The following ANO3 variants were observed in gnomAD, a reference collection of about 807,000 sequenced individuals.
ANO3 encodes anoctamin-3.
A neutral mutation model predicts 144.8 loss-of-function variants in ANO3; 99 were observed. The observed-to-expected ratio is 0.68, with a 90% confidence interval of 0.58 to 0.81. The LOEUF (loss-of-function observed/expected upper bound fraction) is 0.81, where lower values mean the gene tolerates loss of function less well. ANO3 is among the 30% of genes least tolerant of loss of function. The pLI, the probability that ANO3 is intolerant of heterozygous loss-of-function variation, is 0.00. For missense variants in ANO3, 905 were observed against 1,202.2 expected, an observed-to-expected ratio of 0.75 and a Z score of 3.66; for synonymous variants, 414 against 392.6, an observed-to-expected ratio of 1.05 and a Z score of -0.64.
Position 26,509,592 on chromosome 11 carries a change from C to T in ANO3, c.591+1330C>T, listed in dbSNP as rs539495564. ...CCCCCCAAAGTACTGGGATAACAGG[C>T]GTGAGCTCCTGCGCCCGGCGCTACT... On this transcript the variant is annotated intron_variant, in intron 5 of 26. Transcript: ENST00000256737. 3.9e-5 allele frequency among the ~76,000 whole-genome samples: 6 copies of T among 152,060 alleles called. No homozygotes were observed. The East Asian group carries it at 5.8e-4, about 15-fold the overall frequency.
intron 6 of ANO3, among the ~76,000 whole-genome samples, chr11:26,523,232 A>G (rs181872594): frequency 1.3e-5 from 2 of 152,244 alleles, no homozygotes; most frequent in East Asian, 3.9e-4. Context: ...TCCCTCCTCA[A>G]CACCTGGGGA....
intron 1 of ANO3, among the ~76,000 whole-genome samples, chr11:26,401,506 C>G (rs145349847): frequency 3.7e-4 from 57 of 152,002 alleles, no homozygotes; most frequent in African/African-American, 1.3e-3. Context: ...AGTGTCCAAG[C>G]GAGAAGTTGG....
At chr11:26,388,977 T>G (rs1453737704) in intron 1 of ANO3, among the ~76,000 whole-genome samples, 1 of 152,194 alleles carries the variant, frequency 6.6e-6, no homozygotes, top group Non-Finnish European at 1.5e-5. Flanking sequence ...TTGAACATTT[T>G]ATATCTGAGA....
intron 4 of ANO3, among the ~76,000 whole-genome samples, chr11:26,477,028 T>C (rs950490902): frequency 6.6e-6 from 1 of 152,020 alleles, no homozygotes; most frequent in East Asian, 1.9e-4. Flanking sequence ...CACATTATTA[T>C]AAGATTTCCA....
At chr11:26,513,392 G>A (rs192582790) in intron 5 of ANO3, among the ~76,000 whole-genome samples, 2 of 152,294 alleles carry the variant, frequency 1.3e-5, no homozygotes, top group South Asian at 2.1e-4. Context: ...CAAAGATGAC[G>A]ATGATGTAAA....
At position 26,439,306 on chromosome 11, in the gene ANO3, GA is replaced by G. The variant is rs915280657; in HGVS notation, c.47-2604del. 1.0e-3 allele frequency among the ~76,000 whole-genome samples: 153 copies of G among 151,832 alleles called. 1 individual carries two copies. Among genetic ancestry groups the G allele is most frequent in the African/African-American group, 3.5e-3 (147 of 41,422 alleles). On this transcript the variant is annotated intron_variant, in intron 1 of 26. Transcript: ENST00000256737. ...AGCACCTAAAGCACAAACAACTAAA[GA>G]AAAAAAATAGATAAATTGAACTTTA... is the stretch of plus-strand genomic sequence containing the variant.
At chr11:26,551,427 T>C (rs751478151) in intron 12 of ANO3, among the ~76,000 whole-genome samples, 3 of 152,010 alleles carry the variant, frequency 2.0e-5, no homozygotes, top group Non-Finnish European at 4.4e-5. Flanking sequence ...GTGATACTCT[T>C]AAATATTTTA....
intron 1 of ANO3, among the ~76,000 whole-genome samples, chr11:26,380,912 G>T (rs780771525): frequency 6.6e-6 from 1 of 152,104 alleles, no homozygotes; most frequent in Non-Finnish European, 1.5e-5. Context: ...AACCCAGGAG[G>T]TGTAGGTTGT....
intron 1 of ANO3, among the ~76,000 whole-genome samples, chr11:26,249,526 T>C (rs1852877653): frequency 6.6e-6 from 1 of 152,092 alleles, no homozygotes; most frequent in African/African-American, 2.4e-5. Flanking sequence ...ATGTGCTTCT[T>C]CTCCTGGCCC....
intron 1 of ANO3, among the ~76,000 whole-genome samples, chr11:26,413,179 T>C (rs1857478793): frequency 1.3e-5 from 2 of 152,016 alleles, no homozygotes; most frequent in Admixed American, 1.3e-4. Context: ...ATGTTGCCCA[T>C]GGTGATCATA....
intron 17 of ANO3, among the ~76,000 whole-genome samples, chr11:26,601,432 C>T (rs914838731): frequency 5.3e-5 from 8 of 152,018 alleles, no homozygotes; most frequent in African/African-American, 1.9e-4. Context: ...TTGCTTTGCT[C>T]GGGTCCAGTT....
chr11:26,321,054 A>G (rs1854747807), intron 1 of ANO3, among the ~76,000 whole-genome samples: 1 of 151,956 alleles, frequency 6.6e-6, no homozygotes, highest in Admixed American at 6.6e-5. Context: ...TCAAGATGCA[A>G]TATATTTCAT....
intron 1 of ANO3, among the ~76,000 whole-genome samples, chr11:26,281,772 C>G (rs1195896964): frequency 1.3e-5 from 2 of 152,154 alleles, no homozygotes; most frequent in Admixed American, 1.3e-4. Context: ...CCTGAAAGTA[C>G]TGCTTGAAGA....
intron 12 of ANO3, among the ~76,000 whole-genome samples, chr11:26,548,949 T>TG (rs141825083): frequency 6.2e-4 from 14 of 22,662 alleles, no homozygotes; most frequent in Non-Finnish European, 1.2e-3. Context: ...TACAATGAAT[T>TG]GGAAAAAAAA....
intron 1 of ANO3, among the ~76,000 whole-genome samples, chr11:26,249,685 A>G (rs1413159319): frequency 6.6e-6 from 1 of 152,130 alleles, no homozygotes; most frequent in Non-Finnish European, 1.5e-5. Flanking sequence ...AAATTTGTAC[A>G]AATTAACATT....
At chr11:26,421,965 G>A (rs1442770844) in intron 1 of ANO3, among the ~76,000 whole-genome samples, 2 of 151,988 alleles carry the variant, frequency 1.3e-5, no homozygotes, top group Non-Finnish European at 2.9e-5. Context: ...AGGGTCGGAG[G>A]AGGGAAAGGA....
intron 1 of ANO3, among the ~76,000 whole-genome samples, chr11:26,320,887 T>C (rs1227320746): frequency 6.6e-5 from 10 of 152,118 alleles, no homozygotes; most frequent in Admixed American, 5.2e-4. Flanking sequence ...CTAATTTAGC[T>C]CTCTGTATTT....
intron 1 of ANO3, among the ~76,000 whole-genome samples, chr11:26,420,943 A>G (rs1267047703): frequency 6.6e-6 from 1 of 152,094 alleles, no homozygotes. Context: ...TTTCTGAGTA[A>G]ACAAAGAAGT....
intron 14 of ANO3, among the ~76,000 whole-genome samples, chr11:26,588,210 ACT>A (rs1216150804): frequency 6.6e-6 from 1 of 152,144 alleles, no homozygotes; most frequent in African/African-American, 2.4e-5. Flanking sequence ...CCTGTCAACC[ACT>A]GTTTTAACTT....
Sources: gnomAD v4.1 joint callset for allele counts (sites outside exome capture counted in the v4.1 genomes callset) on GRCh38, gnomAD v4.1.1 for gene constraint, MANE v1.5 for transcripts, NCBI Gene and HGNC (gene_info 2026-07-23, HGNC 2026-07-21) for gene names.